PRKG1: variants seen among roughly 807,000 people sequenced by gnomAD.
The protein encoded by PRKG1 is cGMP-dependent protein kinase 1.
Under a neutral mutation model 88.1 loss-of-function variants are expected in PRKG1, and 35 were observed. The observed-to-expected ratio is 0.40, with a 90% CI of 0.30 to 0.53. PRKG1 has a LOEUF of 0.53. Ranked by LOEUF, PRKG1 falls within the 20% of genes least tolerant of loss-of-function variation. The pLI is 0.59. For synonymous variants in PRKG1, 303 were observed against 292.5 expected (o/e 1.04, Z -0.37); for missense variants, 540 against 839.8 (o/e 0.64, Z 4.41).
At chr10:51,045,767 TTTATAA>T (rs1441713006) in intron 1 of PRKG1, among the ~76,000 whole-genome samples, 6 of 152,246 alleles carry the variant, frequency 3.9e-5, no homozygotes, top group African/African-American at 1.2e-4. Context: ...TATTTTAGCC[TTTATAA>T]TTATAGCCAG....
chr10:51,368,562 G>A (rs894860086), intron 2 of PRKG1, among the ~76,000 whole-genome samples: 1 of 151,970 alleles, frequency 6.6e-6, no homozygotes, highest in Non-Finnish European at 1.5e-5. Flanking sequence ...CATAGAAAAG[G>A]TGTTCAGAAA....
intron 3 of PRKG1, among the ~76,000 whole-genome samples, chr10:51,798,309 T>TA (rs1222592222): frequency 1.3e-5 from 2 of 152,050 alleles, no homozygotes; most frequent in Non-Finnish European, 2.9e-5. Flanking sequence ...CACCAACACT[T>TA]ACTATTTTAT....
chr10:51,098,237 T>C (rs898932555), intron 1 of PRKG1, among the ~76,000 whole-genome samples: 11 of 152,250 alleles, frequency 7.2e-5, no homozygotes, highest in Non-Finnish European at 1.3e-4. Context: ...TGTAAGTTCC[T>C]GGACAAGGTA....
intron 3 of PRKG1, among the ~76,000 whole-genome samples, chr10:51,797,462 A>C (rs1051642589): frequency 6.2e-5 from 9 of 145,888 alleles, no homozygotes; most frequent in African/African-American, 2.2e-4. Flanking sequence ...TATATTTATA[A>C]TATACAGATT....
chr10:51,297,649 A>G (rs2132232885), intron 2 of PRKG1, among the ~76,000 whole-genome samples: 1 of 152,254 alleles, frequency 6.6e-6, no homozygotes, highest in African/African-American at 2.4e-5. Flanking sequence ...GAGCAACAGG[A>G]ATGGTAGAAC....
intron 7 of PRKG1, among the ~76,000 whole-genome samples, chr10:52,111,006 C>T (rs1360557127): frequency 6.6e-6 from 1 of 152,096 alleles, no homozygotes; most frequent in Non-Finnish European, 1.5e-5. Context: ...CCAGAGATCT[C>T]CATTTAGATT....
At chr10:51,132,743 T>C (rs1208539902) in intron 1 of PRKG1, among the ~76,000 whole-genome samples, 2 of 148,130 alleles carry the variant, frequency 1.4e-5, no homozygotes. Flanking sequence ...ATAATATATA[T>C]ATATAAAATT....
Position 51,972,189 on chromosome 10 carries a change from A to G in PRKG1, c.762+64619A>G, listed in dbSNP as rs1185277392. The stretch of plus-strand genomic sequence containing the variant: ...GTTTCATATGTTTAACATTTTTTAC[A>G]TAAATGGTCCTATACTTTGTGTGTA... On this transcript the variant is annotated intron_variant, in intron 5 of 17. Transcript: ENST00000373980. Among the ~76,000 whole-genome samples the G allele has an allele frequency of 2.0e-5, 3 of 152,202 alleles. No individual in the cohort carries two copies. The South Asian group carries it at 6.2e-4, about 31-fold the overall frequency.
intron 2 of PRKG1, among the ~76,000 whole-genome samples, chr10:51,183,097 G>A (rs948043244): frequency 5.9e-5 from 9 of 152,170 alleles, no homozygotes; most frequent in African/African-American, 2.2e-4. Context: ...TCCTTAAAGT[G>A]TTGCTAGATG....
At chr10:51,907,699 G>A (rs1215226622) in intron 5 of PRKG1, 129 bp downstream of exon 5, 6 of 734,480 alleles carry the variant, frequency 8.2e-6, no homozygotes, top group African/African-American at 3.6e-5. Context: ...TCTGGGATGA[G>A]CTATATATTT....
intron 2 of PRKG1, among the ~76,000 whole-genome samples, chr10:51,348,064 A>G (rs556042018): frequency 6.6e-6 from 1 of 152,258 alleles, no homozygotes; most frequent in South Asian, 2.1e-4. Flanking sequence ...CTCCATCTCA[A>G]AAAAAACAAA....
chr10:51,499,689 C>G (rs184946169), intron 3 of PRKG1, among the ~76,000 whole-genome samples: 10 of 152,302 alleles, frequency 6.6e-5, no homozygotes, highest in African/African-American at 2.4e-4. Flanking sequence ...CCTGTAATCC[C>G]AGCACTTTGG....
At chr10:52,071,552 C>A (rs1032732733) in intron 7 of PRKG1, among the ~76,000 whole-genome samples, 2 of 149,234 alleles carry the variant, frequency 1.3e-5, no homozygotes, top group Non-Finnish European at 3.0e-5. Flanking sequence ...ATGTCAAATT[C>A]TTTGAAACTT....
At chr10:51,861,888 A>G (rs1395776184) in intron 4 of PRKG1, among the ~76,000 whole-genome samples, 2 of 152,174 alleles carry the variant, frequency 1.3e-5, no homozygotes, top group Non-Finnish European at 2.9e-5. Flanking sequence ...GGACTCGTTC[A>G]ACCCACTTGG....
chr10:51,201,689 T>A (rs1463477934), intron 2 of PRKG1, among the ~76,000 whole-genome samples: 1 of 152,092 alleles, frequency 6.6e-6, no homozygotes, highest in Non-Finnish European at 1.5e-5. Flanking sequence ...TTTAGTGACC[T>A]TATAAGAAGA....
At chr10:51,793,838 T>C in intron 3 of PRKG1, among the ~76,000 whole-genome samples, 1 of 152,160 alleles carries the variant, frequency 6.6e-6, no homozygotes, top group Non-Finnish European at 1.5e-5. Flanking sequence ...CTCAGCTCAC[T>C]GCAACCTCTG....
chr10:51,900,518 T>C (rs74135020), intron 4 of PRKG1, among the ~76,000 whole-genome samples: 2,836 of 152,308 alleles, frequency 0.019, 78 homozygotes, highest in African/African-American at 0.063. Flanking sequence ...CACTGAGTTA[T>C]GCAAAATTTC....
At chr10:52,138,533 G>A (rs905536446) in intron 8 of PRKG1, among the ~76,000 whole-genome samples, 1 of 151,946 alleles carries the variant, frequency 6.6e-6, no homozygotes, top group African/African-American at 2.4e-5. Context: ...GATTCTTGAG[G>A]CCCTTGTGGG....
chr10:51,880,941 G>A lies in PRKG1; in HGVS notation c.699-26566G>A, dbSNP rs1841420890. On this transcript the variant is annotated intron_variant, in intron 4 of 17. Coordinates refer to ENST00000373980, the MANE Select transcript of PRKG1 (RefSeq NM_006258.4). The stretch of plus-strand genomic sequence containing the variant: ...AGACATTAAACAAATAACTACCCAA[G>A]TAATTATAATTATAGAAAGTGCTCT... 2.7e-5 allele frequency among the ~76,000 whole-genome samples: 4 copies of A among 150,204 alleles called. No individual in the cohort carries two copies. The Admixed American group carries it at 2.7e-4, about 10-fold the overall frequency.
Sources: allele counts gnomAD v4.1 joint callset (sites outside exome capture counted in the v4.1 genomes callset), GRCh38; gene constraint gnomAD v4.1.1; transcripts MANE v1.5; gene names NCBI Gene and HGNC (gene_info 2026-07-23, HGNC 2026-07-21).